The following SV2B variants were observed in gnomAD, a reference collection of about 807,000 sequenced individuals.
SV2B encodes synaptic vesicle glycoprotein 2B.
In SV2B, 41 loss-of-function variants were observed where a neutral mutation model predicts 73.9. The ratio of observed to expected loss-of-function variants is 0.56; its 90% CI spans 0.43 to 0.72. The LOEUF (loss-of-function observed/expected upper bound fraction) is 0.72. Ranked by LOEUF, SV2B falls within the 30% of genes least tolerant of loss-of-function variation. SV2B has a pLI of 0.00. For missense variants in SV2B, 764 were observed against 857.8 expected (o/e 0.89, Z 1.37); for synonymous variants, 314 against 314.2 (o/e 1.00, Z 0.01).
At position 91,266,726 on chromosome 15, in the gene SV2B, G is replaced by A. The variant is rs112758290; in HGVS notation, c.1119+34G>A. 3.0e-4 allele frequency: 462 copies of A among 1,522,286 alleles called. 1 individual carries two copies. In the African/African-American group the frequency reaches 4.2e-3, roughly 14 times the overall value. The allele number at this position is 1,522,286 out of a possible 1,614,324, so 94.3% of individuals were successfully genotyped here. ...GGGAACTTACTTTGGATGAGGATGC[G>A]TCTCTATGGGAGTCTCTTACCTTAG... On this transcript the variant is annotated intron_variant, in intron 7 of 12. Coordinates refer to ENST00000394232, the MANE Select transcript of SV2B (RefSeq NM_001323032.3).
At chr15:91,209,114 GTTTT>G (rs903531189) in intron 1 of SV2B, among the ~76,000 whole-genome samples, 3 of 89,986 alleles carry the variant, frequency 3.3e-5, no homozygotes, top group South Asian at 3.5e-4. Flanking sequence ...ACTGTTTTTT[GTTTT>G]TTTTTTTTTT....
intron 1 of SV2B, among the ~76,000 whole-genome samples, chr15:91,221,144 G>T (rs187175937): frequency 6.6e-6 from 1 of 152,154 alleles, no homozygotes; most frequent in African/African-American, 2.4e-5. Flanking sequence ...GGGATTACAG[G>T]TGTGAGCCCT....
chr15:91,199,677 A>G (rs1251594934), intron 1 of SV2B, among the ~76,000 whole-genome samples: 2 of 152,196 alleles, frequency 1.3e-5, no homozygotes, highest in Non-Finnish European at 2.9e-5. Flanking sequence ...GAGAGGGACC[A>G]TCAGGAGACT....
intron 1 of SV2B, among the ~76,000 whole-genome samples, chr15:91,147,162 C>G (rs2043170015): frequency 6.6e-6 from 1 of 152,234 alleles, no homozygotes; most frequent in Non-Finnish European, 1.5e-5. Flanking sequence ...TAGCCTTAAA[C>G]TCTTCACATG....
At position 91,139,850 on chromosome 15, in the gene SV2B, A is replaced by G. The variant is rs1048374763; in HGVS notation, c.-392+39487A>G. ...CGTAAACTAAGATTGTCCTGGAGAA[A>G]CCAAGCTATATGGTCCCTCTGGTAG... On this transcript the variant is annotated intron_variant, in intron 1 of 12. Coordinates refer to ENST00000394232, the MANE Select transcript of SV2B (RefSeq NM_001323032.3). This position sits in a 1 kb window ranked among gnomAD's most constrained non-coding sequence, Gnocchi z 5.2. Among the ~76,000 whole-genome samples the G allele has an allele frequency of 6.6e-6, 1 of 152,196 alleles. No homozygotes were observed. Among genetic ancestry groups the G allele is most frequent in the Non-Finnish European group, 1.5e-5 (1 of 68,034 alleles).
chr15:91,153,250 G>A (rs562235957), intron 1 of SV2B, among the ~76,000 whole-genome samples: 4 of 152,262 alleles, frequency 2.6e-5, no homozygotes, highest in African/African-American at 9.6e-5. Flanking sequence ...AAGTTCCAAC[G>A]TATGACTTTT....
At position 91,290,758 on chromosome 15, in the gene SV2B, C is replaced by T. The variant is rs2049013564; in HGVS notation, c.1868+1078C>T. On this transcript the variant is annotated intron_variant, in intron 12 of 12. Transcript: ENST00000394232. This position sits in a 1 kb window ranked among gnomAD's most constrained non-coding sequence, Gnocchi z 4.7. Reference sequence around the variant, plus strand: ...ATAAGAGAAGATAAATATATGCCAACTCAGTGATTTGGGAGGCCGAGGCAA... The same window carrying T: ...ATAAGAGAAGATAAATATATGCCAATTCAGTGATTTGGGAGGCCGAGGCAA... 6.6e-6 allele frequency among the ~76,000 whole-genome samples: 1 copy of T among 152,128 alleles called. No homozygotes were observed. Among genetic ancestry groups the T allele is most frequent in the African/African-American group, 2.4e-5 (1 of 41,440 alleles).
intron 1 of SV2B, among the ~76,000 whole-genome samples, chr15:91,116,231 C>G (rs1395871560): frequency 6.6e-6 from 1 of 152,112 alleles, no homozygotes; most frequent in Non-Finnish European, 1.5e-5. Context: ...AAACTGCCTG[C>G]TACTCTGTTT....
rs1176526017 is a variant in SV2B, at chr15:91,100,276, G to A, written c.-479G>A. The A allele has an allele frequency of 6.6e-6, 1 of 152,170 alleles. No individual in the cohort carries two copies. Among genetic ancestry groups the A allele is most frequent in the Non-Finnish European group, 1.5e-5 (1 of 68,022 alleles). The allele number at this position is 152,170 out of a possible 1,614,324, so 9.4% of individuals were successfully genotyped here. ...GCCTCCGCCCGGATCGCCCAGCTCCGCGTTAGCCGGAGCTGCACGCGGGGC... is the reference window on the plus strand; with the variant it reads ...GCCTCCGCCCGGATCGCCCAGCTCCACGTTAGCCGGAGCTGCACGCGGGGC... On this transcript the variant is annotated 5_prime_UTR_variant, in exon 1 of 13. Transcript: ENST00000394232. This position sits in a 1 kb window ranked among gnomAD's most constrained non-coding sequence, Gnocchi z 6.4.
intron 2 of SV2B, among the ~76,000 whole-genome samples, chr15:91,247,285 C>T (rs2047273690): frequency 6.6e-6 from 1 of 152,182 alleles, no homozygotes; most frequent in Non-Finnish European, 1.5e-5. Context: ...GGCTCAGCCT[C>T]CTCGTCTGGT....
intron 1 of SV2B, among the ~76,000 whole-genome samples, chr15:91,225,527 TTTTA>T (rs1169735096): frequency 6.6e-6 from 1 of 152,160 alleles, no homozygotes; most frequent in African/African-American, 2.4e-5. Flanking sequence ...TTTTATTTTA[TTTTA>T]TTTTATTTTT....
At position 91,270,843 on chromosome 15, in the gene SV2B, G is replaced by C. The variant is rs9744188; in HGVS notation, c.1373+2238G>C. ...GATGGTGAATCCTGTGGATGATGGG[G>C]GGACGGTGAATCCTGTGGATGATGG... On this transcript the variant is annotated intron_variant, in intron 9 of 12. Coordinates refer to ENST00000394232, the MANE Select transcript of SV2B (RefSeq NM_001323032.3). 2.9e-3 allele frequency among the ~76,000 whole-genome samples: 272 copies of C among 92,902 alleles called. 10 individuals are homozygous for C. Among genetic ancestry groups the C allele is most frequent in the African/African-American group, 0.013 (246 of 19,024 alleles). The allele number at this position is 92,902 out of a possible 152,430, so 60.9% of individuals were successfully genotyped here.
rs1385372844 is a variant in SV2B at position 91,137,764 on chromosome 15, C to G, written c.-392+37401C>G. The stretch of plus-strand genomic sequence containing the variant: ...TCGGAACACATCAAATATGTTTAAC[C>G]TGTAGGTTTATAATGGTGCTCAGAA... On this transcript the variant is annotated intron_variant, in intron 1 of 12. Coordinates refer to ENST00000394232, the MANE Select transcript of SV2B (RefSeq NM_001323032.3). This position sits in a 1 kb window ranked among gnomAD's most constrained non-coding sequence, Gnocchi z 4.9. Among the ~76,000 whole-genome samples, 1 of 151,582 alleles carries G rather than the reference C, an allele frequency of 6.6e-6. No individual in the cohort carries two copies.
chr15:91,214,227 C>T lies in SV2B; in HGVS notation c.-391-11646C>T, dbSNP rs2045954409. ...GGGATGAGGATTCAGGGCAGGGTTC[C>T]AGCAGAGTGGAAGTGCTAAAAAACC... On this transcript the variant is annotated intron_variant, in intron 1 of 12. Coordinates refer to ENST00000394232, the MANE Select transcript of SV2B (RefSeq NM_001323032.3). This position sits in a 1 kb window ranked among gnomAD's most constrained non-coding sequence, Gnocchi z 4.7. Among the ~76,000 whole-genome samples the T allele has an allele frequency of 6.6e-6, 1 of 152,082 alleles. No homozygotes were observed. Among genetic ancestry groups the T allele is most frequent in the South Asian group, 2.1e-4 (1 of 4,826 alleles).
intron 1 of SV2B, among the ~76,000 whole-genome samples, chr15:91,165,593 C>A (rs1291184172): frequency 3.3e-5 from 5 of 152,116 alleles, no homozygotes; most frequent in Admixed American, 3.3e-4. Context: ...TAGAACTAAT[C>A]CTCTATGAAT....
chr15:91,189,837 A>C (rs1248579102), intron 1 of SV2B, among the ~76,000 whole-genome samples: 1 of 152,124 alleles, frequency 6.6e-6, no homozygotes, highest in African/African-American at 2.4e-5. Context: ...AAATACAATA[A>C]ATTAGTTGGG....
At chr15:91,169,855 A>G (rs2044057589) in intron 1 of SV2B, among the ~76,000 whole-genome samples, 2 of 152,214 alleles carry the variant, frequency 1.3e-5, no homozygotes, top group African/African-American at 4.8e-5. Context: ...CCAGTCAGAC[A>G]TTCATTTAGC....
chr15:91,256,677 CAA>C (rs2047704781), intron 4 of SV2B, among the ~76,000 whole-genome samples: 1 of 152,114 alleles, frequency 6.6e-6, no homozygotes. Flanking sequence ...CCAAGCTGTG[CAA>C]AAAGAGATTT....
At chr15:91,157,390 C>T (rs2043526961) in intron 1 of SV2B, among the ~76,000 whole-genome samples, 1 of 152,146 alleles carries the variant, frequency 6.6e-6, no homozygotes, top group Non-Finnish European at 1.5e-5. Context: ...TTTTCCTTCT[C>T]TTCTCTACCT....
Sources: allele counts gnomAD v4.1 joint callset (sites outside exome capture counted in the v4.1 genomes callset), GRCh38; gene constraint gnomAD v4.1.1; non-coding constraint Gnocchi (gnomAD v3.1); transcripts MANE v1.5; gene names NCBI Gene and HGNC (gene_info 2026-07-23, HGNC 2026-07-21).